Variants in TEX22 observed in about 807,000 individuals in gnomAD.
TEX22 encodes testis-expressed protein 22.
In TEX22, 16 loss-of-function variants were observed where a neutral mutation model predicts 11.3. That is an observed-to-expected ratio of 1.42 (90% CI 0.96 to 2.15). The LOEUF is 2.15. TEX22 is among the 30% of genes most tolerant of loss of function. TEX22 has a pLI of 0.00. For missense variants in TEX22, 220 were observed against 208.6 expected (o/e 1.05, Z -0.34); for synonymous variants, 97 against 92.3 (o/e 1.05, Z -0.29).
intron 2 of TEX22, among the ~76,000 whole-genome samples, chr14:105,402,681 G>A (rs985900868): frequency 4.0e-5 from 6 of 151,870 alleles, no homozygotes; most frequent in Non-Finnish European, 7.4e-5. Flanking sequence ...GCGTGAACCC[G>A]GGAGGCGGAG....
chr14:105,399,011 C>T (rs375168629), intron 1 of TEX22, among the ~76,000 whole-genome samples: 33 of 152,384 alleles, frequency 2.2e-4, no homozygotes, highest in African/African-American at 7.2e-4. Context: ...TTTGAGAAGG[C>T]TGGCAGAGGC....
chr14:105,400,674 G>A (rs1946701549), intron 2 of TEX22, among the ~76,000 whole-genome samples: 1 of 152,204 alleles, frequency 6.6e-6, no homozygotes, highest in South Asian at 2.1e-4. Flanking sequence ...GTGGCTATGG[G>A]TAATGGTGGT....
chr14:105,406,959 T>C (rs6576087), intron 2 of TEX22, among the ~76,000 whole-genome samples: 133,741 of 152,190 alleles, frequency 0.88, 61,367 homozygotes, highest in Non-Finnish European at 1. Context: ...TTTCTAAAGA[T>C]GTATTTAAAG....
intron 2 of TEX22, among the ~76,000 whole-genome samples, chr14:105,399,809 G>A (rs2081615412): frequency 1.3e-5 from 2 of 152,208 alleles, no homozygotes; most frequent in Admixed American, 1.3e-4. Context: ...CAGGCTGAAG[G>A]TGGCAAGAAG....
chr14:105,402,485 T>G (rs999163147), intron 2 of TEX22, among the ~76,000 whole-genome samples: 7 of 152,102 alleles, frequency 4.6e-5, no homozygotes, highest in Admixed American at 1.3e-4. Context: ...CCGGGTGTGG[T>G]GGCTCACGCC....
chr14:105,401,844 A>G (rs370182911), intron 2 of TEX22, among the ~76,000 whole-genome samples: 9 of 152,270 alleles, frequency 5.9e-5, no homozygotes, highest in African/African-American at 1.7e-4. Context: ...GTGGCCACCA[A>G]TGGAAGTATT....
Position 105,405,544 on chromosome 14 carries a change from G to A in TEX22, c.151-5824G>A, listed in dbSNP as rs182762859. 3.3e-5 allele frequency among the ~76,000 whole-genome samples: 5 copies of A among 152,328 alleles called. No homozygotes were observed. In the East Asian group the frequency reaches 7.7e-4, roughly 24 times the overall value. ...CGGTAAGCACAGGAATATTCCAACC[G>A]CAGGGTGAAGATGGACACCAAACGG... On this transcript the variant is annotated intron_variant, in intron 2 of 3. Transcript: ENST00000451127.
intron 2 of TEX22, among the ~76,000 whole-genome samples, chr14:105,408,226 T>TTTTC (rs1309609495): frequency 2.0e-5 from 3 of 151,756 alleles, no homozygotes; most frequent in African/African-American, 7.3e-5. Context: ...CGCTGCCTCC[T>TTTTC]TTTCTTTCTT....
chr14:105,408,794 G>C (rs887728154), intron 2 of TEX22, among the ~76,000 whole-genome samples: 3 of 151,772 alleles, frequency 2.0e-5, no homozygotes, highest in Admixed American at 2.0e-4. Context: ...AGGGTGTAGC[G>C]CCCCTTCCCC....
At chr14:105,399,770 C>G (rs906722314) in intron 2 of TEX22, among the ~76,000 whole-genome samples, 5 of 152,258 alleles carry the variant, frequency 3.3e-5, no homozygotes, top group South Asian at 2.1e-4. Flanking sequence ...CAACACACTT[C>G]CCTTAGCTCT....
chr14:105,400,054 C>T (rs2081617970), intron 2 of TEX22, among the ~76,000 whole-genome samples: 2 of 152,196 alleles, frequency 1.3e-5, no homozygotes, highest in South Asian at 2.1e-4. Flanking sequence ...AGCCTTAGGA[C>T]GTTCTCTGAG....
Position 105,398,590 on chromosome 14 carries a change from C to G in TEX22, c.-85C>G, listed in dbSNP as rs879978824. ...GCCGGCCCCTTGGGCCCCCTCAAGC[C>G]GCGGTGTACTCCAGCGGCCCCCTGT... On this transcript the variant is annotated 5_prime_UTR_variant, in exon 1 of 4. Coordinates refer to ENST00000451127, the MANE Select transcript of TEX22 (RefSeq NM_001195082.2). The G allele has an allele frequency of 1.3e-5, 2 of 152,410 alleles. No individual in the cohort carries two copies. The highest frequency in any genetic ancestry group is 4.8e-5 in the African/African-American group (2 of 41,588). The allele number at this position is 152,410 out of a possible 1,614,324, so 9.4% of individuals were successfully genotyped here.
chr14:105,413,052 C>A lies in TEX22; in HGVS notation c.*1219C>A. Reference sequence around the variant, plus strand: ...GTAAGACTCAGTGAAGTTCCCTCCTCCTTCAGGAAGCCTTCCAAGATTACA... The same window carrying A: ...GTAAGACTCAGTGAAGTTCCCTCCTACTTCAGGAAGCCTTCCAAGATTACA... On this transcript the variant is annotated 3_prime_UTR_variant, in exon 4 of 4. Transcript: ENST00000451127. The surrounding 1 kb of genome is among the most constrained non-coding windows in gnomAD (Gnocchi z 4.2). 1 of 152,552 alleles carries A rather than the reference C, an allele frequency of 6.6e-6. No individual in the cohort carries two copies. 9.4% of individuals were successfully genotyped at this position (152,552 alleles called of 1,614,324 possible). A position where few individuals can be genotyped will look rare whatever the true frequency, so the allele number is the denominator to read the frequency against.
chr14:105,406,415 T>C (rs2141359677), intron 2 of TEX22, among the ~76,000 whole-genome samples: 1 of 152,268 alleles, frequency 6.6e-6, no homozygotes, highest in East Asian at 1.9e-4. Flanking sequence ...TTTTTAAAAC[T>C]GGATAGAAAA....
chr14:105,409,881 A>G (rs782390767), intron 2 of TEX22, among the ~76,000 whole-genome samples: 10 of 151,164 alleles, frequency 6.6e-5, no homozygotes, highest in African/African-American at 1.2e-4. Flanking sequence ...GGCTCAAGCA[A>G]TCTCTGCCTC....
chr14:105,411,823 C>T lies in TEX22; in HGVS notation c.443C>T (p.Pro148Leu), dbSNP rs1555419439. The change falls in exon 4 of 4, where the codon CCC becomes CTC. Residue 148 changes from proline to leucine, a missense_variant. Transcript: ENST00000451127. The stretch of plus-strand genomic sequence containing the variant: ...GCGACTTTCGAGGCCTCGAGGTCAC[C>T]CCCTTCCTAAGAGCCCCATTCAGCC... ...HNATFEASRS[P>L]PS is the part of the protein sequence containing the mutation. 7.0e-7 allele frequency: 1 copy of T among 1,425,210 alleles called. No homozygotes were observed. The highest frequency in any genetic ancestry group is 1.5e-5 in the African/African-American group (1 of 67,574). 88.3% of individuals were successfully genotyped at this position (1,425,210 alleles called of 1,614,324 possible).
chr14:105,406,224 C>T (rs141216350), intron 2 of TEX22, among the ~76,000 whole-genome samples: 2 of 152,062 alleles, frequency 1.3e-5, no homozygotes, highest in Non-Finnish European at 2.9e-5. Flanking sequence ...AGGCCAAACA[C>T]AAAATCCTTG....
chr14:105,405,689 C>G (rs587663287), intron 2 of TEX22, among the ~76,000 whole-genome samples: 2 of 152,264 alleles, frequency 1.3e-5, no homozygotes, highest in African/African-American at 4.8e-5. Context: ...TAGACCTGTT[C>G]CTGAGTGAAA....
chr14:105,399,828 A>C (rs1159067340), intron 2 of TEX22, among the ~76,000 whole-genome samples: 8 of 151,900 alleles, frequency 5.3e-5, no homozygotes, highest in African/African-American at 1.5e-4. Context: ...AGCGGGAGGG[A>C]AAGCAAGGTC....
Sources: gnomAD v4.1 joint callset for allele counts (sites outside exome capture counted in the v4.1 genomes callset) on GRCh38, gnomAD v4.1.1 for gene constraint, Gnocchi (gnomAD v3.1) non-coding constraint, MANE v1.5 for transcripts, NCBI Gene and HGNC (gene_info 2026-07-23, HGNC 2026-07-21) for gene names.